KNDC1: variants seen among roughly 807,000 people sequenced by gnomAD.
The protein encoded by KNDC1 is kinase non-catalytic C-lobe domain-containing protein 1.
A neutral mutation model predicts 172.8 loss-of-function variants in KNDC1; 106 were observed. The ratio of observed to expected loss-of-function variants is 0.61; its 90% CI spans 0.52 to 0.72. The LOEUF (loss-of-function observed/expected upper bound fraction) is 0.72. Among genes scored for constraint, KNDC1 ranks in the 30% least tolerant of loss-of-function variants. The pLI, the probability that KNDC1 is intolerant of heterozygous loss-of-function variation, is 0.00. For missense variants in KNDC1, 2,325 were observed against 2,394.5 expected (o/e 0.97, Z 0.61); for synonymous variants, 1,083 against 1,062.2 (o/e 1.02, Z -0.38).
chr10:133,187,189 T>C (rs1853945000), intron 6 of KNDC1, among the ~76,000 whole-genome samples: 1 of 152,210 alleles, frequency 6.6e-6, no homozygotes, highest in Non-Finnish European at 1.5e-5. Flanking sequence ...GCGGGGACGC[T>C]GGGATCTGGT....
chr10:133,220,154 G>A, intron 29 of KNDC1, 42 bp downstream of exon 29: 12 of 1,501,322 alleles, frequency 8.0e-6, no homozygotes, highest in Non-Finnish European at 1.1e-5. Flanking sequence ...GGAGAGGAGG[G>A]GCTCAGGCGG....
intron 17 of KNDC1, among the ~76,000 whole-genome samples, chr10:133,203,158 GCACT>G: frequency 1.4e-5 from 1 of 73,102 alleles, no homozygotes; most frequent in South Asian, 3.4e-4. Flanking sequence ...CCAGCGGGGA[GCACT>G]CGGCCCCCAA....
intron 3 of KNDC1, among the ~76,000 whole-genome samples, chr10:133,180,813 A>G (rs1450377041): frequency 1.3e-5 from 2 of 152,262 alleles, no homozygotes; most frequent in African/African-American, 2.4e-5. Context: ...GATTTAGAGG[A>G]AAAATTAAAA....
chr10:133,210,520 A>T lies in KNDC1; in HGVS notation c.3795-91A>T, dbSNP rs1370007228. ...AGTGATACTCAAAGAAAACGCACAC[A>T]CACATACAGTCACACCCCACCACCG... On this transcript the variant is annotated intron_variant, in intron 20 of 29. Transcript: ENST00000304613. 8 of 775,536 alleles carry T rather than the reference A, an allele frequency of 1.0e-5. No homozygotes were observed. In the East Asian group the frequency reaches 2.0e-4, roughly 19 times the overall value. 48.0% of individuals were successfully genotyped at this position (775,536 alleles called of 1,614,324 possible). A position where few individuals can be genotyped will look rare whatever the true frequency, so the allele number is the denominator to read the frequency against.
At chr10:133,161,091 A>G (rs1852953772) in intron 1 of KNDC1, among the ~76,000 whole-genome samples, 1 of 151,750 alleles carries the variant, frequency 6.6e-6, no homozygotes, top group Admixed American at 6.6e-5. Flanking sequence ...CAAGGTGCAG[A>G]GGGGCTCTGC....
rs939215277 is a variant in KNDC1 at position 133,217,256 on chromosome 10, C to T, written c.4678-1575C>T. 7.9e-5 allele frequency among the ~76,000 whole-genome samples: 12 copies of T among 152,378 alleles called. No individual in the cohort carries two copies. In the East Asian group the frequency reaches 9.6e-4, roughly 12 times the overall value. The stretch of plus-strand genomic sequence containing the variant: ...TTTTATCTCAAAATTACATACTTTG[C>T]ATCTACTTAAACCGATGAAGAAACA... On this transcript the variant is annotated intron_variant, in intron 26 of 29. Transcript: ENST00000304613.
intron 6 of KNDC1, among the ~76,000 whole-genome samples, chr10:133,187,412 C>T (rs1434445967): frequency 6.6e-6 from 1 of 152,282 alleles, no homozygotes; most frequent in Non-Finnish European, 1.5e-5. Context: ...GAGCCACCCC[C>T]AGCTGTGTCC....
rs1216330854 is a variant in KNDC1 at position 133,224,584 on chromosome 10, CG to C, written c.5019-69del. The C allele has an allele frequency of 2.0e-6, 2 of 1,020,116 alleles. No homozygotes were observed. Among genetic ancestry groups the C allele is most frequent in the Non-Finnish European group, 1.5e-6 (1 of 676,314 alleles). 63.2% of individuals were successfully genotyped at this position (1,020,116 alleles called of 1,614,324 possible). Reference sequence around the variant, plus strand: ...TTAGTCCAAATGATTCCTAAGAACGCGGGGGGACTCCCTCCCCACGGAAGCC... The same window carrying C: ...TTAGTCCAAATGATTCCTAAGAACGCGGGGGACTCCCTCCCCACGGAAGCC... On this transcript the variant is annotated intron_variant, in intron 29 of 29. Transcript: ENST00000304613. This position sits in a 1 kb window ranked among gnomAD's most constrained non-coding sequence, Gnocchi z 5.4.
In KNDC1 at chr10:133,199,504, T is replaced by C. The variant is rs1284016313; in HGVS notation, c.2805T>C (p.Cys935=). 12 of 1,613,820 alleles carry C rather than the reference T, an allele frequency of 7.4e-6. No individual in the cohort carries two copies. Among genetic ancestry groups the C allele is most frequent in the Non-Finnish European group, 1.0e-5 (12 of 1,180,002 alleles). ...AAGATCTCACCTTTGCCACTTTCTGTGGCGCCATTTCCGAGAAGTTCTGTG... is the reference window on the plus strand; with the variant it reads ...AAGATCTCACCTTTGCCACTTTCTGCGGCGCCATTTCCGAGAAGTTCTGTG... ...ALKDLTFATF[C]GAISEKFCDL... is the part of the protein sequence containing the mutation. The change falls in exon 15 of 30, where the codon TGT becomes TGC. Residue 935 remains cysteine (C), a synonymous_variant. Coordinates refer to ENST00000304613, the MANE Select transcript of KNDC1 (RefSeq NM_152643.8).
intron 3 of KNDC1, 77 bp downstream of exon 3, chr10:133,168,389 A>G (rs1591219581): frequency 2.1e-6 from 3 of 1,449,816 alleles, no homozygotes; most frequent in Admixed American, 1.7e-5. Context: ...TCAGAAATGC[A>G]CCTGCCTTGG....
chr10:133,164,590 T>C (rs1211454414), intron 1 of KNDC1, among the ~76,000 whole-genome samples: 1 of 152,196 alleles, frequency 6.6e-6, no homozygotes, highest in Non-Finnish European at 1.5e-5. Flanking sequence ...TAAACTCCTG[T>C]CGAGGCCACC....
chr10:133,196,025 A>T (rs1011680226), intron 10 of KNDC1, among the ~76,000 whole-genome samples: 1 of 152,204 alleles, frequency 6.6e-6, no homozygotes, highest in African/African-American at 2.4e-5. Flanking sequence ...GGCCACGTCC[A>T]TGTGGGTGGA....
intron 7 of KNDC1, 102 bp downstream of exon 7, chr10:133,188,755 GTCCCACGCCCCCCCA>G (rs1237396960): frequency 0.024 from 13,057 of 548,734 alleles, 1,226 homozygotes; most frequent in African/African-American, 0.23. Flanking sequence ...CCCCCACACC[GTCCCACGCCCCCCCA>G]CTGTCCCATC....
Position 133,198,391 on chromosome 10 carries a change from C to T in KNDC1, c.1961C>T (p.Pro654Leu), listed in dbSNP as rs1186689133. The T allele has an allele frequency of 6.3e-7, 1 of 1,598,432 alleles. No individual in the cohort carries two copies. The highest frequency in any genetic ancestry group is 8.5e-7 in the Non-Finnish European group (1 of 1,173,710). Residue 654 changes from proline (P) to leucine (L), a missense_variant, in exon 13 of 30, where the codon CCC becomes CTC. Coordinates refer to ENST00000304613, the MANE Select transcript of KNDC1 (RefSeq NM_152643.8). ...TGLVAVPGPV[P>L]GQHPCGEEAT... ...CTTGTGGCTGTGCCAGGGCCCGTGC[C>T]CGGCCAGCACCCCTGCGGTGAAGAA... is the stretch of plus-strand genomic sequence containing the variant.
At position 133,209,475 on chromosome 10, in the gene KNDC1, C is replaced by T. The variant is rs1016850635; in HGVS notation, c.3795-1136C>T. Among the ~76,000 whole-genome samples, 5 of 148,186 alleles carry T rather than the reference C, an allele frequency of 3.4e-5. No individual in the cohort carries two copies. The highest frequency in any genetic ancestry group is 5.0e-5 in the African/African-American group (2 of 39,754). The stretch of plus-strand genomic sequence containing the variant: ...TGTGGGGTATAGTGTGGCTTGTGTG[C>T]GCGTGTGTGGTGTGCGCGTCTGGTT... On this transcript the variant is annotated intron_variant, in intron 20 of 29. Transcript: ENST00000304613. This position sits in a 1 kb window ranked among gnomAD's most constrained non-coding sequence, Gnocchi z 4.9.
At chr10:133,205,089 GC>G (rs1713406454) in intron 17 of KNDC1, among the ~76,000 whole-genome samples, 1 of 136,746 alleles carries the variant, frequency 7.3e-6, no homozygotes, top group African/African-American at 2.7e-5. Context: ...GGCTGTATCT[GC>G]CCCTGTACCC....
intron 3 of KNDC1, among the ~76,000 whole-genome samples, chr10:133,172,488 G>A (rs1055178248): frequency 1.3e-5 from 2 of 152,054 alleles, no homozygotes; most frequent in Non-Finnish European, 2.9e-5. Flanking sequence ...AGATTGTTGC[G>A]CATATTGGAG....
rs768915792 is a variant in KNDC1 at position 133,160,513 on chromosome 10, G to C, written c.46G>C (p.Gly16Arg). ...PAAADLYEEDGKDLDFYDFEP... is the reference protein window; with the variant it reads ...PAAADLYEEDRKDLDFYDFEP... ...CGCGGCGGATCTTTACGAGGAGGAC[G>C]GCAAAGACCTGGACTTCTACGACTT... The change falls in exon 1 of 30, where the codon GGC (glycine) becomes CGC (arginine). Residue 16 changes from glycine (G) to arginine (R), a missense_variant. By Grantham distance (125) the Gly-to-Arg change is moderately radical. Transcript: ENST00000304613. The C allele has an allele frequency of 6.3e-6, 10 of 1,591,632 alleles. No homozygotes were observed. Among genetic ancestry groups the C allele is most frequent in the East Asian group, 2.3e-5 (1 of 43,642 alleles).
In KNDC1 at chr10:133,183,392, G is replaced by C; in HGVS notation, c.409G>C (p.Val137Leu). 1 of 1,599,988 alleles carries C rather than the reference G, an allele frequency of 6.3e-7. No homozygotes were observed. Among genetic ancestry groups the C allele is most frequent in the Non-Finnish European group, 8.5e-7 (1 of 1,175,264 alleles). ...CACGCTGAAGGCCGCCCTCGAGTAC[G>C]TGGCAGAGCCCACACTGGAACCCAG... ...GATLKAALEY[V>L]AEPTLEPRLS... The change falls in exon 4 of 30, where the codon GTG becomes CTG. Residue 137 changes from valine (V) to leucine (L), a missense_variant. By Grantham distance (32) the Val-to-Leu change is conservative. Transcript: ENST00000304613.
Sources: allele counts gnomAD v4.1 joint callset (sites outside exome capture counted in the v4.1 genomes callset), GRCh38; gene constraint gnomAD v4.1.1; non-coding constraint Gnocchi (gnomAD v3.1); transcripts MANE v1.5; gene names NCBI Gene and HGNC (gene_info 2026-07-23, HGNC 2026-07-21).